The following BOD1L1 variants were observed in gnomAD, a reference collection of about 807,000 sequenced individuals.
BOD1L1 encodes the protein biorientation of chromosomes in cell division protein 1-like 1.
Under a neutral mutation model 240.7 loss-of-function variants are expected in BOD1L1, and 86 were observed. That is an observed-to-expected ratio of 0.36 (90% confidence interval 0.30 to 0.43). The LOEUF (loss-of-function observed/expected upper bound fraction) is 0.43, where lower values mean the gene tolerates loss of function less well. BOD1L1 is among the 20% of genes least tolerant of loss of function. BOD1L1 has a pLI of 1.00. For missense variants in BOD1L1, 3,554 were observed against 3,643.5 expected (o/e 0.98, Z 0.63); for synonymous variants, 1,268 against 1,272.3 (o/e 1.00, Z 0.07).
At position 13,627,549 on chromosome 4, in the gene BOD1L1, C is replaced by A. The variant is rs1299259252; in HGVS notation, c.39G>T (p.Ala13=). 2.1e-5 allele frequency: 24 copies of A among 1,133,540 alleles called. No individual in the cohort carries two copies. Among genetic ancestry groups the A allele is most frequent in the Non-Finnish European group, 2.6e-5 (24 of 924,782 alleles). The allele number at this position is 1,133,540 out of a possible 1,614,324, so 70.2% of individuals were successfully genotyped here. A position where few individuals can be genotyped will look rare whatever the true frequency, so the allele number is the denominator to read the frequency against. ...TNPQPQPPPP[A]PPPPPPQPQP... ...GCGGCTGCGGCGGGGGAGGCGGCGG[C>A]GCCGGAGGAGGCGGCTGCGGCTGTG... Residue 13 remains alanine (A), a synonymous_variant, in exon 1 of 26, where the codon GCG becomes GCT. Coordinates refer to ENST00000040738, the MANE Select transcript of BOD1L1 (RefSeq NM_148894.3).
rs530309340 is a variant in BOD1L1, at chr4:13,580,109, T to C, written c.8704-136A>G. The C allele has an allele frequency of 4.1e-4, 256 of 625,752 alleles. 1 individual carries two copies. The highest frequency in any genetic ancestry group is 6.1e-4 in the Non-Finnish European group (223 of 364,758). 38.8% of individuals were successfully genotyped at this position (625,752 alleles called of 1,614,324 possible). A position where few individuals can be genotyped will look rare whatever the true frequency, so the allele number is the denominator to read the frequency against. On this transcript the variant is annotated intron_variant, in intron 21 of 25. Coordinates refer to ENST00000040738, the MANE Select transcript of BOD1L1 (RefSeq NM_148894.3). ...CGTATTTGAGACCTATTTTCTGTAA[T>C]TGATTAAGTATACCTAGCAAACATG...
In BOD1L1 at chr4:13,599,616, C is replaced by T. The variant is rs150638208; in HGVS notation, c.7284G>A (p.Ala2428=). The change falls in exon 10 of 26, where the codon GCG becomes GCA. Residue 2428 remains alanine, a synonymous_variant. Transcript: ENST00000040738. ...CCTTGCCATGCTTCTCTTCTTTTTC[C>T]GCACAAACAGCACTTGGATGGCCTT... ...AGQGHPSAVC[A]EKEEKHGKEC... is the part of the protein sequence containing the mutation. 5.6e-5 allele frequency: 91 copies of T among 1,613,872 alleles called. No homozygotes were observed. The highest frequency in any genetic ancestry group is 1.0e-4 in the Admixed American group (6 of 60,004).
At chr4:13,574,753 T>C (rs1236309036) in intron 25 of BOD1L1, among the ~76,000 whole-genome samples, 1 of 152,094 alleles carries the variant, frequency 6.6e-6, no homozygotes, top group Non-Finnish European at 1.5e-5. Context: ...CTGCTCCACC[T>C]AAAAAAACAA....
chr4:13,627,399 G>C lies in BOD1L1; in HGVS notation c.189C>G (p.Ser63Arg). 7.2e-7 allele frequency: 1 copy of C among 1,395,104 alleles called. No homozygotes were observed. Among genetic ancestry groups the C allele is most frequent in the Non-Finnish European group, 9.4e-7 (1 of 1,062,186 alleles). The allele number at this position is 1,395,104 out of a possible 1,614,324, so 86.4% of individuals were successfully genotyped here. A position where few individuals can be genotyped will look rare whatever the true frequency, so the allele number is the denominator to read the frequency against. The change falls in exon 1 of 26, where the codon AGC (serine) becomes AGG (arginine). Residue 63 changes from serine to arginine, a missense_variant. Ser to Arg is a moderately radical substitution (Grantham distance 110). Coordinates refer to ENST00000040738, the MANE Select transcript of BOD1L1 (RefSeq NM_148894.3). ...LVAMIVNHLK[S>R]QGLFDQFRRD... ...TGCGGAACTGGTCGAAGAGCCCCTG[G>C]CTCTTGAGGTGGTTCACGATCATGG...
intron 12 of BOD1L1, among the ~76,000 whole-genome samples, chr4:13,595,215 TTTC>T (rs1714525908): frequency 6.6e-6 from 1 of 152,266 alleles, no homozygotes; most frequent in Admixed American, 6.5e-5. Context: ...TCAATTTTAA[TTTC>T]TTATTTGGCA....
Position 13,627,720 on chromosome 4 carries a change from G to C in BOD1L1, c.-133C>G, listed in dbSNP as rs1281191050. 1.3e-6 allele frequency: 1 copy of C among 769,456 alleles called. No homozygotes were observed. Among genetic ancestry groups the C allele is most frequent in the African/African-American group, 1.9e-5 (1 of 53,182 alleles). 47.7% of individuals were successfully genotyped at this position (769,456 alleles called of 1,614,324 possible). ...GAACCAGCGGATCCAGAGCAACCCC[G>C]GAAGTGAAAGGGAACTGGGGGAAAG... On this transcript the variant is annotated 5_prime_UTR_variant, in exon 1 of 26. Transcript: ENST00000040738.
At position 13,607,171 on chromosome 4, in the gene BOD1L1, G is replaced by A; in HGVS notation, c.1761C>T (p.Ser587=). The A allele has an allele frequency of 2.5e-6, 4 of 1,573,268 alleles. No homozygotes were observed. Among genetic ancestry groups the A allele is most frequent in the Non-Finnish European group, 1.7e-6 (2 of 1,159,922 alleles). The change falls in exon 9 of 26, where the codon TCC becomes TCT. Residue 587 remains serine (S), a synonymous_variant. Transcript: ENST00000040738. ...CTTCTTCATATTGCTGTTTCTTTTT[G>A]GAGTTCTCTTCAACATTCCTAAGGG... ...KKDSRNVEEN[S]KKKQQYEEDS... is the part of the protein sequence containing the mutation.
At chr4:13,610,888 T>A in intron 6 of BOD1L1, 46 bp downstream of exon 6, 1 of 1,506,388 alleles carries the variant, frequency 6.6e-7, no homozygotes, top group Non-Finnish European at 9.0e-7. Flanking sequence ...TTTAAGTTTG[T>A]TAACCTGATG....
At chr4:13,619,848 A>G in intron 2 of BOD1L1, 95 bp downstream of exon 2, 2 of 1,419,962 alleles carry the variant, frequency 1.4e-6, no homozygotes, top group Non-Finnish European at 1.9e-6. Context: ...TGTCAACATC[A>G]TTAGGTGAAC....
At chr4:13,578,792 A>G (rs894740259) in intron 22 of BOD1L1, among the ~76,000 whole-genome samples, 1 of 152,182 alleles carries the variant, frequency 6.6e-6, no homozygotes, top group African/African-American at 2.4e-5. Context: ...AGGCTTGAGT[A>G]ATCTGTTTAG....
chr4:13,624,900 C>T (rs948740059), intron 1 of BOD1L1: 4 of 152,210 alleles, frequency 2.6e-5, no homozygotes, highest in Admixed American at 6.5e-5. Context: ...CTTTGAGGTT[C>T]AAGTGGCAGA....
intron 2 of BOD1L1, among the ~76,000 whole-genome samples, chr4:13,618,571 G>A (rs948107827): frequency 2.0e-5 from 3 of 152,110 alleles, no homozygotes; most frequent in Non-Finnish European, 4.4e-5. Flanking sequence ...GGCATCTTTT[G>A]ATCTCACCTG....
At chr4:13,612,030 A>G (rs755565089) in intron 5 of BOD1L1, among the ~76,000 whole-genome samples, 3 of 152,218 alleles carry the variant, frequency 2.0e-5, no homozygotes, top group Admixed American at 6.5e-5. Flanking sequence ...AAAAGGCAAC[A>G]AGAATTAATT....
chr4:13,611,978 T>A (rs1392034876), intron 5 of BOD1L1, among the ~76,000 whole-genome samples: 1 of 152,162 alleles, frequency 6.6e-6, no homozygotes, highest in Admixed American at 6.5e-5. Context: ...ATCCCATACA[T>A]ATAAAATCTA....
chr4:13,575,895 CTTTTTTTT>C lies in BOD1L1; in HGVS notation c.9038+935_9038+942del, dbSNP rs35101769. Among the ~76,000 whole-genome samples, 213 of 119,250 alleles carry C rather than the reference CTTTTTTTT, an allele frequency of 1.8e-3. 1 individual carries two copies. The highest frequency in any genetic ancestry group is 6.3e-3 in the African/African-American group (202 of 31,962). The allele number at this position is 119,250 out of a possible 152,430, so 78.2% of individuals were successfully genotyped here. A position where few individuals can be genotyped will look rare whatever the true frequency, so the allele number is the denominator to read the frequency against. On this transcript the variant is annotated intron_variant, in intron 25 of 25. Transcript: ENST00000040738. ...CTTTCCTTTAGGAGTTTGCCAAACC[CTTTTTTTT>C]TTTTTTTTTTTTTTTTTTGAGATGG...
chr4:13,609,404 G>A lies in BOD1L1; in HGVS notation c.1494C>T (p.Ala498=). ...TTAAAAGCCTCTCTTCTTTTTCTTTGGCCTAAAACCACAAAATACCCTAAC... is the reference window on the plus strand; with the variant it reads ...TTAAAAGCCTCTCTTCTTTTTCTTTAGCCTAAAACCACAAAATACCCTAAC... ...LTVEQRRQSI[A]KEKEERLLRR... The change falls in exon 7 of 26, where the codon GCC becomes GCT. Residue 498 remains alanine, a splice_region_variant and synonymous_variant. Coordinates refer to ENST00000040738, the MANE Select transcript of BOD1L1 (RefSeq NM_148894.3). The A allele has an allele frequency of 6.7e-7, 1 of 1,495,234 alleles. No individual in the cohort carries two copies. Among genetic ancestry groups the A allele is most frequent in the East Asian group, 2.5e-5 (1 of 40,078 alleles). 92.6% of individuals were successfully genotyped at this position (1,495,234 alleles called of 1,614,324 possible).
chr4:13,614,136 C>T, intron 4 of BOD1L1, 60 bp downstream of exon 4: 1 of 1,372,556 alleles, frequency 7.3e-7, no homozygotes, highest in Non-Finnish European at 9.6e-7. Flanking sequence ...TTTGATACTT[C>T]CCTGATCCCA....
At chr4:13,575,508 G>A (rs1712637829) in intron 25 of BOD1L1, among the ~76,000 whole-genome samples, 1 of 151,832 alleles carries the variant, frequency 6.6e-6, no homozygotes, top group Non-Finnish European at 1.5e-5. Context: ...AGCCTCCCAA[G>A]TAGCCGGGAC....
Position 13,588,750 on chromosome 4 carries a change from C to A in BOD1L1, c.8252G>T (p.Gly2751Val). ...GRKDNAEAIS[G>V]HSVEADPKEV... ...TTTAGGATCTGCTTCAACACTGTGA[C>A]CGCTTATGGCTTCTGCGTTGTCTTT... is the stretch of plus-strand genomic sequence containing the variant. Residue 2751 changes from glycine (G) to valine (V), a missense_variant, in exon 15 of 26, where the codon GGT becomes GTT. Coordinates refer to ENST00000040738, the MANE Select transcript of BOD1L1 (RefSeq NM_148894.3). The A allele has an allele frequency of 1.2e-6, 2 of 1,605,564 alleles. No homozygotes were observed. Among genetic ancestry groups the A allele is most frequent in the Non-Finnish European group, 1.7e-6 (2 of 1,175,742 alleles).
Sources: gnomAD v4.1 joint callset for allele counts (sites outside exome capture counted in the v4.1 genomes callset) on GRCh38, gnomAD v4.1.1 for gene constraint, MANE v1.5 for transcripts, NCBI Gene and HGNC (gene_info 2026-07-23, HGNC 2026-07-21) for gene names.